The following ELP3 variants were observed in gnomAD, a reference collection of about 807,000 sequenced individuals.
The protein encoded by ELP3 is elongator acetyltransferase complex subunit 3, also known as elongator complex protein 3.
Under a neutral mutation model 74.9 loss-of-function variants are expected in ELP3, and 56 were observed. That is an observed-to-expected ratio of 0.75 (90% CI 0.60 to 0.93). The LOEUF (loss-of-function observed/expected upper bound fraction) is 0.93, where lower values mean the gene tolerates loss of function less well. ELP3 is among the 40% of genes least tolerant of loss of function. ELP3 has a pLI of 0.00. For synonymous variants in ELP3, 222 were observed against 239.8 expected (o/e 0.93, Z 0.68); for missense variants, 573 against 686.5 (o/e 0.83, Z 1.85).
chr8:28,160,207 T>G, intron 12 of ELP3, 22 bp from the exon 13 acceptor site: 2 of 1,592,544 alleles, frequency 1.3e-6, no homozygotes, highest in Non-Finnish European at 1.7e-6. Flanking sequence ...AATAATATTT[T>G]TTGTGGCTTT....
intron 14 of ELP3, among the ~76,000 whole-genome samples, chr8:28,185,740 C>T (rs1815214998): frequency 6.6e-6 from 1 of 152,128 alleles, no homozygotes; most frequent in African/African-American, 2.4e-5. Flanking sequence ...CGTGGTGATG[C>T]TGGGCTGGTT....
intron 9 of ELP3, among the ~76,000 whole-genome samples, chr8:28,136,236 A>G (rs1349833324): frequency 2.0e-5 from 3 of 152,184 alleles, no homozygotes; most frequent in African/African-American, 7.2e-5. Context: ...TGCTGGGATT[A>G]CAGGTGTGAG....
Position 28,129,380 on chromosome 8 carries a change from C to T in ELP3, c.618-122C>T, listed in dbSNP as rs879005884. 9 of 983,672 alleles carry T rather than the reference C, an allele frequency of 9.1e-6. No individual in the cohort carries two copies. In the South Asian group the frequency reaches 9.5e-5, roughly 10 times the overall value. 60.9% of individuals were successfully genotyped at this position (983,672 alleles called of 1,614,324 possible). A position where few individuals can be genotyped will look rare whatever the true frequency, so the allele number is the denominator to read the frequency against. On this transcript the variant is annotated intron_variant, in intron 7 of 14. Coordinates refer to ENST00000256398, the MANE Select transcript of ELP3 (RefSeq NM_018091.6). ...CAGGATTTGAACTCAGGCAGCCTGG[C>T]TCCAGAGCCTACACTCTTTACCACT...
chr8:28,132,728 C>T (rs1812828393), intron 9 of ELP3, among the ~76,000 whole-genome samples: 1 of 152,106 alleles, frequency 6.6e-6, no homozygotes, highest in South Asian at 2.1e-4. Flanking sequence ...AACATTTTAA[C>T]AAGCATTTAT....
intron 7 of ELP3, among the ~76,000 whole-genome samples, chr8:28,119,570 TTTTATATATATATATATA>T (rs1376984668): frequency 2.2e-5 from 2 of 92,108 alleles, no homozygotes; most frequent in Non-Finnish European, 4.2e-5. Flanking sequence ...ACTTGTGGCG[TTTTATATATATATATATA>T]TATATATATA....
Position 28,147,716 on chromosome 8 carries a change from A to G in ELP3, c.1101-8226A>G, listed in dbSNP as rs1385047117. Among the ~76,000 whole-genome samples, 2 of 152,192 alleles carry G rather than the reference A, an allele frequency of 1.3e-5. No individual in the cohort carries two copies. Among genetic ancestry groups the G allele is most frequent in the Non-Finnish European group, 2.9e-5 (2 of 68,040 alleles). ...GGTTCTAGAGGCAATGACACCCAGC[A>G]GTAATAAACACAGTGAGTTCCAAGA... is the stretch of plus-strand genomic sequence containing the variant. On this transcript the variant is annotated intron_variant, in intron 10 of 14. Transcript: ENST00000256398. This position sits in a 1 kb window ranked among gnomAD's most constrained non-coding sequence, Gnocchi z 4.5.
intron 7 of ELP3, among the ~76,000 whole-genome samples, chr8:28,124,443 A>G (rs1452353076): frequency 1.3e-5 from 2 of 152,210 alleles, no homozygotes; most frequent in African/African-American, 4.8e-5. Flanking sequence ...CCTTTCTGTC[A>G]TCTATGATTT....
intron 7 of ELP3, among the ~76,000 whole-genome samples, chr8:28,114,894 T>A (rs780202061): frequency 2.6e-5 from 4 of 151,996 alleles, no homozygotes; most frequent in African/African-American, 4.8e-5. Flanking sequence ...GGCTAATGGA[T>A]TAGAGGAGTA....
In ELP3 at chr8:28,189,677, G is replaced by A. The variant is rs1484806420; in HGVS notation, c.1596G>A (p.Lys532=). The A allele has an allele frequency of 3.1e-6, 5 of 1,613,976 alleles. No homozygotes were observed. Among genetic ancestry groups the A allele is most frequent in the Non-Finnish European group, 4.2e-6 (5 of 1,179,984 alleles). ...TCGGCACCAGGAATTATTATAGAAAGATCGGCTACAGATTACAAGGCCCGT... is the reference window on the plus strand; with the variant it reads ...TCGGCACCAGGAATTATTATAGAAAAATCGGCTACAGATTACAAGGCCCGT... The part of the protein sequence containing the change: ...SGVGTRNYYR[K]IGYRLQGPYM... Residue 532 remains lysine (K), a synonymous_variant, in exon 15 of 15, where the codon AAG becomes AAA. Transcript: ENST00000256398.
intron 14 of ELP3, among the ~76,000 whole-genome samples, chr8:28,171,834 A>G (rs143313135): frequency 1.3e-5 from 2 of 152,240 alleles, no homozygotes; most frequent in South Asian, 2.1e-4. Flanking sequence ...TCATTTTTGT[A>G]TATGATATAA....
chr8:28,137,933 T>G, intron 10 of ELP3, 42 bp downstream of exon 10: 1 of 1,484,616 alleles, frequency 6.7e-7, no homozygotes, highest in Non-Finnish European at 9.0e-7. Flanking sequence ...TGGTGACTAG[T>G]CTGTTTACTA....
chr8:28,162,586 C>T (rs972037750), intron 14 of ELP3, among the ~76,000 whole-genome samples: 1 of 152,162 alleles, frequency 6.6e-6, no homozygotes, highest in African/African-American at 2.4e-5. Context: ...AAGTTTTCCC[C>T]AGCCCTCTTA....
intron 14 of ELP3, among the ~76,000 whole-genome samples, chr8:28,162,452 C>T (rs1814139368): frequency 2.0e-5 from 3 of 152,110 alleles, no homozygotes; most frequent in Admixed American, 2.0e-4. Context: ...CACTATTGTT[C>T]AGAAATTAAA....
chr8:28,126,570 C>T (rs1274440970), intron 7 of ELP3, among the ~76,000 whole-genome samples: 1 of 152,156 alleles, frequency 6.6e-6, no homozygotes, highest in Non-Finnish European at 1.5e-5. Flanking sequence ...GAGAAGTTGA[C>T]AGAGTTGCTG....
chr8:28,110,488 T>G (rs370145994), intron 6 of ELP3, 50 bp downstream of exon 6: 4 of 1,398,352 alleles, frequency 2.9e-6, no homozygotes, highest in African/African-American at 1.5e-5. Context: ...TTATACTTAG[T>G]AAGAAGCCAT....
intron 3 of ELP3, among the ~76,000 whole-genome samples, chr8:28,100,599 G>C (rs536603459): frequency 3.3e-5 from 5 of 152,360 alleles, no homozygotes; most frequent in African/African-American, 1.2e-4. Context: ...TGAACAGGTA[G>C]TTTGGGATCA....
intron 12 of ELP3, 71 bp from the exon 13 acceptor site, chr8:28,160,158 A>T: frequency 2.2e-6 from 3 of 1,361,488 alleles, no homozygotes; most frequent in Non-Finnish European, 3.0e-6. Flanking sequence ...CTAAATAAAT[A>T]CATACAATTA....
intron 14 of ELP3, among the ~76,000 whole-genome samples, chr8:28,179,030 T>C (rs1318328048): frequency 6.6e-6 from 1 of 152,258 alleles, no homozygotes; most frequent in African/African-American, 2.4e-5. Context: ...GGTCCACTTA[T>C]ACTCGGATTT....
At chr8:28,157,216 A>T (rs940514356) in intron 11 of ELP3, among the ~76,000 whole-genome samples, 1 of 148,586 alleles carries the variant, frequency 6.7e-6, no homozygotes, top group African/African-American at 2.5e-5. Flanking sequence ...GCCAAAATAT[A>T]TCTAGTTCCT....
Sources: allele counts gnomAD v4.1 joint callset (sites outside exome capture counted in the v4.1 genomes callset), GRCh38; gene constraint gnomAD v4.1.1; non-coding constraint Gnocchi (gnomAD v3.1); transcripts MANE v1.5; gene names NCBI Gene and HGNC (gene_info 2026-07-23, HGNC 2026-07-21).